The following RANBP2 variants were observed in gnomAD, a reference collection of about 807,000 sequenced individuals.
RANBP2 encodes E3 SUMO-protein ligase RanBP2.
A neutral mutation model predicts 303.6 loss-of-function variants in RANBP2; 57 were observed. That is an observed-to-expected ratio of 0.19 (90% CI 0.15 to 0.23). The LOEUF is 0.23. RANBP2 is among the 10% of genes least tolerant of loss of function. RANBP2 has a pLI of 1.00. For missense variants in RANBP2, 3,138 were observed against 3,780.8 expected, an observed-to-expected ratio of 0.83 and a Z score of 4.46; for synonymous variants, 1,167 against 1,301.5, an observed-to-expected ratio of 0.90 and a Z score of 2.23.
chr2:109,614,020 C>T, the RANBP2 span: 5 of 1,205,032 alleles, frequency 4.1e-6, no homozygotes, highest in Non-Finnish European at 5.1e-6. Context: ...GGCGGACGCC[C>T]TGTGGTGCGC....
the RANBP2 span, among the ~76,000 whole-genome samples, chr2:109,217,320 T>C: frequency 6.6e-6 from 1 of 152,196 alleles, no homozygotes; most frequent in South Asian, 2.1e-4. Flanking sequence ...CCTTGGTTGT[T>C]CTCTTTGTAG....
At chr2:109,614,721 C>T in the RANBP2 span, 2 of 1,488,704 alleles carry the variant, frequency 1.3e-6, no homozygotes, top group Non-Finnish European at 1.8e-6. Context: ...CAAGTACGTG[C>T]ACCTCAAGAA....
At chr2:109,243,003 T>C in the RANBP2 span, among the ~76,000 whole-genome samples, 1 of 152,210 alleles carries the variant, frequency 6.6e-6, no homozygotes, top group Non-Finnish European at 1.5e-5. Context: ...TTATTCTGAG[T>C]GTTTGAGACT....
the RANBP2 span, among the ~76,000 whole-genome samples, chr2:109,065,514 G>C: frequency 6.6e-6 from 1 of 152,156 alleles, no homozygotes; most frequent in Non-Finnish European, 1.5e-5. Flanking sequence ...GGACATTTCT[G>C]CTGGATCATG....
chr2:109,133,813 C>T, the RANBP2 span, among the ~76,000 whole-genome samples: 3 of 150,856 alleles, frequency 2.0e-5, no homozygotes, highest in Non-Finnish European at 2.9e-5. Flanking sequence ...GTACAACTTG[C>T]ATTAGCATAG....
chr2:108,806,507 G>A, the RANBP2 span, among the ~76,000 whole-genome samples: 3 of 152,160 alleles, frequency 2.0e-5, no homozygotes, highest in Non-Finnish European at 4.4e-5. Context: ...TAGATCAGAG[G>A]TCAGCACGCT....
Position 108,753,143 on chromosome 2 carries a change from A to G in RANBP2, c.1901A>G (p.His634Arg). 6.2e-7 allele frequency: 1 copy of G among 1,608,846 alleles called. No individual in the cohort carries two copies. Among genetic ancestry groups the G allele is most frequent in the South Asian group, 1.1e-5 (1 of 90,004 alleles). The change falls in exon 13 of 29, where the codon CAT becomes CGT. Residue 634 changes from histidine to arginine, a missense_variant. Physicochemically the swap from His to Arg is conservative, Grantham distance 29 (BLOSUM62 0). This residue lies in a region of RANBP2 where 162 missense variants were observed against 286.9 expected (regional missense o/e 0.56). Coordinates refer to ENST00000283195, the MANE Select transcript of RANBP2 (RefSeq NM_006267.5). ...EPIDPLFKHFHSVDIQASEIV... is the reference protein window; with the variant it reads ...EPIDPLFKHFRSVDIQASEIV... Reference sequence around the variant, plus strand: ...ATTGATCCTCTGTTTAAACATTTTCATAGTGTAGACATTCAGGTAACAGAG... The same window carrying G: ...ATTGATCCTCTGTTTAAACATTTTCGTAGTGTAGACATTCAGGTAACAGAG...
chr2:109,574,858 A>G, the RANBP2 span: 1 of 850,394 alleles, frequency 1.2e-6, no homozygotes, highest in Non-Finnish European at 1.7e-6. Context: ...CTATATTTTC[A>G]CTAATTAATA....
At chr2:108,894,565 C>G in the RANBP2 span, 11 of 152,532 alleles carry the variant, frequency 7.2e-5, no homozygotes, top group African/African-American at 9.7e-5. Context: ...ACTTCACTGT[C>G]TAAGGGCCAC....
the RANBP2 span, among the ~76,000 whole-genome samples, chr2:109,302,187 A>G: frequency 3.3e-5 from 5 of 152,194 alleles, no homozygotes; most frequent in African/African-American, 1.2e-4. Context: ...GTACTCCTAC[A>G]GCCAGTGCTG....
chr2:109,117,017 C>T, the RANBP2 span, among the ~76,000 whole-genome samples: 1 of 152,140 alleles, frequency 6.6e-6, no homozygotes, highest in East Asian at 1.9e-4. Context: ...AGTACCCGGC[C>T]GTGTGAGGTG....
chr2:109,320,849 C>T, the RANBP2 span, among the ~76,000 whole-genome samples: 1 of 152,204 alleles, frequency 6.6e-6, no homozygotes, highest in African/African-American at 2.4e-5. Context: ...TGGATTCGGG[C>T]ACCAGACCAA....
the RANBP2 span, among the ~76,000 whole-genome samples, chr2:109,540,623 G>A: frequency 6.7e-6 from 1 of 148,826 alleles, no homozygotes; most frequent in African/African-American, 2.5e-5. Context: ...CCAGGAGTTT[G>A]AGACCAGCCT....
At chr2:109,427,356 T>C in the RANBP2 span, among the ~76,000 whole-genome samples, 12 of 152,242 alleles carry the variant, frequency 7.9e-5, no homozygotes, top group African/African-American at 2.7e-4. Context: ...AGTATAAATA[T>C]AATTTTTACA....
the RANBP2 span, chr2:109,565,701 G>A: frequency 2.2e-6 from 3 of 1,347,778 alleles, no homozygotes; most frequent in Admixed American, 3.4e-5. Context: ...AAGAAGGCAT[G>A]ACAGGTAGCT....
chr2:109,129,313 G>C, the RANBP2 span: 1 of 752,752 alleles, frequency 1.3e-6, no homozygotes, highest in South Asian at 1.6e-5. Flanking sequence ...GCTCAGGACT[G>C]GGCGGGCTCG....
chr2:108,830,609 C>T, the RANBP2 span, among the ~76,000 whole-genome samples: 1 of 151,104 alleles, frequency 6.6e-6, no homozygotes, highest in Non-Finnish European at 1.5e-5. Flanking sequence ...GAGTTCAAGT[C>T]CAACCTGGCC....
At chr2:109,449,606 C>T in the RANBP2 span, 1 of 1,312,192 alleles carries the variant, frequency 7.6e-7, no homozygotes, top group African/African-American at 1.5e-5. Flanking sequence ...GCTCCAAGTG[C>T]CTGCCCCTAG....
the RANBP2 span, among the ~76,000 whole-genome samples, chr2:109,400,906 G>A: frequency 6.6e-6 from 1 of 152,164 alleles, no homozygotes; most frequent in African/African-American, 2.4e-5. Context: ...TTCTGTAAGG[G>A]GAAAAGCATA....
Sources: gnomAD v4.1 joint callset for allele counts (sites outside exome capture counted in the v4.1 genomes callset) on GRCh38, gnomAD v4.1.1 for gene constraint, gnomAD v4.1.1 regional missense constraint, MANE v1.5 for transcripts, NCBI Gene and HGNC (gene_info 2026-07-23, HGNC 2026-07-21) for gene names.